Variants in IL6R observed in about 807,000 individuals in gnomAD.
The protein encoded by IL6R is interleukin 6 receptor.
A neutral mutation model predicts 48.3 loss-of-function variants in IL6R; 38 were observed. That is an observed-to-expected ratio of 0.79 (90% CI 0.61 to 1.03). IL6R has a LOEUF of 1.03. Ranked by LOEUF, IL6R falls within the 50% of genes least tolerant of loss-of-function variation. IL6R has a pLI of 0.00. For missense variants in IL6R, 534 were observed against 618.3 expected (o/e 0.86, Z 1.45); for synonymous variants, 264 against 256.2 (o/e 1.03, Z -0.29).
In IL6R at chr1:154,465,114, CT is replaced by C; in HGVS notation, c.1161-17del. On this transcript the variant is annotated intron_variant, in intron 9 of 9. Coordinates refer to ENST00000368485, the MANE Select transcript of IL6R (RefSeq NM_000565.4). ...GGAGCTAAAAATCTGTGTGGTTTGT[CT>C]TTGTGTGTTTGTGTGAAGGTTCAAG... The C allele has an allele frequency of 6.2e-7, 1 of 1,614,026 alleles. No individual in the cohort carries two copies. The highest frequency in any genetic ancestry group is 8.5e-7 in the Non-Finnish European group (1 of 1,179,946).
intron 1 of IL6R, among the ~76,000 whole-genome samples, chr1:154,420,261 C>A (rs1688580665): frequency 1.3e-5 from 2 of 152,078 alleles, no homozygotes; most frequent in South Asian, 4.2e-4. Flanking sequence ...TTCCTGCCCT[C>A]TGAGAGCTAA....
chr1:154,447,707 T>C (rs1462945140), intron 6 of IL6R, among the ~76,000 whole-genome samples: 1 of 151,556 alleles, frequency 6.6e-6, no homozygotes, highest in East Asian at 1.9e-4. Flanking sequence ...TTTTGTTTTG[T>C]TTTGTTTTGT....
intron 2 of IL6R, among the ~76,000 whole-genome samples, chr1:154,430,238 G>C (rs1463085113): frequency 6.6e-6 from 1 of 152,144 alleles, no homozygotes; most frequent in East Asian, 1.9e-4. Flanking sequence ...TGGTCCTGAG[G>C]TTCTTCCCTT....
intron 1 of IL6R, chr1:154,414,412 C>T (rs575340765): frequency 5.6e-5 from 79 of 1,423,318 alleles, no homozygotes; most frequent in East Asian, 2.1e-4. Context: ...CCTGTTTGGC[C>T]AGTTCTGTGG....
rs766571264 is a variant in IL6R at position 154,448,209 on chromosome 1, C to T, written c.996+38C>T. Reference sequence around the variant, plus strand: ...TCTTGTAAAAGGGTCAGGGCTGCAGCACCTCGTGTTTAGGAGTGTGGGCTG... The same window carrying T: ...TCTTGTAAAAGGGTCAGGGCTGCAGTACCTCGTGTTTAGGAGTGTGGGCTG... On this transcript the variant is annotated intron_variant, in intron 7 of 9. Transcript: ENST00000368485. 1.1e-5 allele frequency: 18 copies of T among 1,577,672 alleles called. No individual in the cohort carries two copies. The South Asian group carries it at 2.0e-4, about 17-fold the overall frequency.
intron 1 of IL6R, chr1:154,415,181 G>A (rs546711817): frequency 9.9e-6 from 7 of 703,774 alleles, no homozygotes; most frequent in African/African-American, 3.5e-5. Flanking sequence ...CCAGGGGCCC[G>A]GAGCTCAAGG....
chr1:154,450,013 C>T (rs572391772), intron 8 of IL6R, 33 bp downstream of exon 8: 1 of 1,359,698 alleles, frequency 7.4e-7, no homozygotes, highest in South Asian at 1.2e-5. Context: ...TTCCCAGGGT[C>T]CGAGGGACAG....
Position 154,435,013 on chromosome 1 carries a change from A to G in IL6R, c.664A>G (p.Ile222Val), listed in dbSNP as rs775955599. The G allele has an allele frequency of 1.9e-6, 3 of 1,614,178 alleles. No homozygotes were observed. The highest frequency in any genetic ancestry group is 2.2e-5 in the East Asian group (1 of 44,890). Residue 222 changes from isoleucine (I) to valine (V), a missense_variant, in exon 5 of 10, where the codon ATC becomes GTC. Ile to Val is a conservative substitution (Grantham distance 29). Coordinates refer to ENST00000368485, the MANE Select transcript of IL6R (RefSeq NM_000565.4). Reference protein sequence around the residue: ...GILQPDPPANITVTAVARNPR... With the variant: ...GILQPDPPANVTVTAVARNPR... ...AGTGCAGCCTGATCCGCCTGCCAAC[A>G]TCACAGTCACTGCCGTGGCCAGAAA...
chr1:154,439,107 GA>G (rs912797583), intron 6 of IL6R, among the ~76,000 whole-genome samples: 9 of 151,988 alleles, frequency 5.9e-5, no homozygotes, highest in African/African-American at 2.2e-4. Context: ...TTTAAGGGGG[GA>G]AAAATCAGCT....
At chr1:154,428,880 G>A (rs1005220126) in intron 1 of IL6R, among the ~76,000 whole-genome samples, 4 of 152,162 alleles carry the variant, frequency 2.6e-5, no homozygotes, top group Non-Finnish European at 5.9e-5. Flanking sequence ...AGGCCTCCAA[G>A]GACAGAAGGG....
chr1:154,452,936 G>A (rs1024135774), intron 8 of IL6R, among the ~76,000 whole-genome samples: 5 of 152,154 alleles, frequency 3.3e-5, no homozygotes, highest in Admixed American at 6.5e-5. Flanking sequence ...CAGGCGCCGT[G>A]GCTCATGCCT....
intron 9 of IL6R, among the ~76,000 whole-genome samples, chr1:154,458,422 C>T (rs1044559736): frequency 6.6e-6 from 1 of 152,202 alleles, no homozygotes; most frequent in South Asian, 2.1e-4. Context: ...CACGGGTTCA[C>T]CTCCTGCCTA....
chr1:154,447,686 T>G lies in IL6R; in HGVS notation c.950-439T>G, dbSNP rs537182023. ...TATTTGGTTATTTCCAGCATGCTGT[T>G]TTTTGTTTTGTTTTGTTTTGTTTTG... On this transcript the variant is annotated intron_variant, in intron 6 of 9. Transcript: ENST00000368485. 1.3e-3 allele frequency among the ~76,000 whole-genome samples: 200 copies of G among 148,430 alleles called. 1 individual carries two copies. The highest frequency in any genetic ancestry group is 4.4e-3 in the African/African-American group (176 of 40,202).
intron 8 of IL6R, among the ~76,000 whole-genome samples, chr1:154,450,789 C>T (rs1480194301): frequency 1.3e-5 from 2 of 152,238 alleles, no homozygotes; most frequent in African/African-American, 4.8e-5. Context: ...GAGCAGCTCC[C>T]CTGATGACTC....
In IL6R at chr1:154,425,950, T is replaced by C. The variant is rs141202868; in HGVS notation, c.86-3246T>C. On this transcript the variant is annotated intron_variant, in intron 1 of 9. Coordinates refer to ENST00000368485, the MANE Select transcript of IL6R (RefSeq NM_000565.4). ...AAAAAATTAGCCGGGCATGGTGGTG[T>C]GCACCTCCCAGTTACTCAGGAGGCT... Among the ~76,000 whole-genome samples the C allele has an allele frequency of 7.2e-3, 1,097 of 151,480 alleles. 14 individuals carry two copies. The highest frequency in any genetic ancestry group is 0.022 in the African/African-American group (915 of 41,246).
At chr1:154,446,660 G>A (rs1260227427) in intron 6 of IL6R, among the ~76,000 whole-genome samples, 1 of 152,196 alleles carries the variant, frequency 6.6e-6, no homozygotes, top group Non-Finnish European at 1.5e-5. Context: ...CGTGCAGGGG[G>A]AGGGAGCCGT....
intron 7 of IL6R, among the ~76,000 whole-genome samples, chr1:154,448,875 CTTTTTTTTTTTTT>C (rs757221328): frequency 2.7e-5 from 2 of 73,308 alleles, no homozygotes; most frequent in South Asian, 5.0e-4. Flanking sequence ...CTTGTAAGGG[CTTTTTTTTTTTTT>C]TTTTTTTTTT....
intron 3 of IL6R, among the ~76,000 whole-genome samples, chr1:154,432,578 G>A (rs1395354463): frequency 1.3e-5 from 2 of 152,042 alleles, no homozygotes; most frequent in African/African-American, 2.4e-5. Context: ...GGCTGGTCTC[G>A]AACTTCTGAC....
intron 6 of IL6R, among the ~76,000 whole-genome samples, chr1:154,438,006 G>A (rs61812592): frequency 0.19 from 28,134 of 151,732 alleles, 2,774 homozygotes; most frequent in African/African-American, 0.26. Flanking sequence ...GAGCCACCGC[G>A]CCTGGCCTAA....
Sources: gnomAD v4.1 joint callset for allele counts (sites outside exome capture counted in the v4.1 genomes callset) on GRCh38, gnomAD v4.1.1 for gene constraint, MANE v1.5 for transcripts, NCBI Gene and HGNC (gene_info 2026-07-23, HGNC 2026-07-21) for gene names.